The following HDAC9 variants were observed in gnomAD, a reference collection of about 807,000 sequenced individuals.
HDAC9 encodes the protein histone deacetylase 9, also known as MEF-2 interacting transcription repressor (MITR) protein.
HDAC9 carries 41 observed loss-of-function variants against 139.4 expected under a neutral mutation model. The ratio of observed to expected loss-of-function variants is 0.29; its 90% CI spans 0.23 to 0.38. The LOEUF is 0.38. HDAC9 is among the 10% of genes least tolerant of loss of function. HDAC9 has a pLI of 1.00. For synonymous variants in HDAC9, 517 were observed against 476.2 expected, an observed-to-expected ratio of 1.09 and a Z score of -1.12; for missense variants, 1,147 against 1,297.0, an observed-to-expected ratio of 0.88 and a Z score of 1.78.
intron 1 of HDAC9, among the ~76,000 whole-genome samples, chr7:18,352,524 T>C (rs1310798205): frequency 1.3e-5 from 2 of 152,184 alleles, no homozygotes; most frequent in East Asian, 1.9e-4. Flanking sequence ...TGCAGTCTTA[T>C]ATTTGTTGCA....
At chr7:18,847,966 TA>T (rs1797021937) in intron 21 of HDAC9, among the ~76,000 whole-genome samples, 1 of 152,186 alleles carries the variant, frequency 6.6e-6, no homozygotes, top group African/African-American at 2.4e-5. Flanking sequence ...ACAAGTTGAG[TA>T]TATTTTGCAT....
intron 1 of HDAC9, among the ~76,000 whole-genome samples, chr7:18,140,847 C>G (rs1169150274): frequency 6.7e-6 from 1 of 150,334 alleles, no homozygotes; most frequent in Non-Finnish European, 1.5e-5. Flanking sequence ...AAAGCAATTT[C>G]TTTGACACAG....
At chr7:18,099,993 A>T (rs900339652) in intron 1 of HDAC9, among the ~76,000 whole-genome samples, 1 of 152,174 alleles carries the variant, frequency 6.6e-6, no homozygotes, top group African/African-American at 2.4e-5. Context: ...GACTTCCTTT[A>T]AACATTCCTT....
intron 24 of HDAC9, among the ~76,000 whole-genome samples, chr7:18,964,913 T>C (rs1299850730): frequency 1.3e-5 from 2 of 152,202 alleles, no homozygotes; most frequent in Non-Finnish European, 2.9e-5. Flanking sequence ...AGCCTAACCA[T>C]ATCACTGAGT....
At chr7:18,686,918 T>C (rs953729336) in intron 12 of HDAC9, among the ~76,000 whole-genome samples, 2 of 151,880 alleles carry the variant, frequency 1.3e-5, no homozygotes, top group African/African-American at 4.8e-5. Flanking sequence ...ATTTTAAATA[T>C]TGGACATGGT....
At position 18,251,816 on chromosome 7, in the gene HDAC9, G is replaced by A. The variant is rs302139; in HGVS notation, c.25+89467G>A. Among the ~76,000 whole-genome samples the A allele has an allele frequency of 7.1e-3, 1,086 of 152,098 alleles. 11 individuals are homozygous for A. The highest frequency in any genetic ancestry group is 0.025 in the African/African-American group (1,042 of 41,506). On this transcript the variant is annotated intron_variant, in intron 2 of 12. Transcript: ENST00000417496. ...AGGTGAATGACATTTTTGTATATGC[G>A]TATGTGGCTTACATATTTCCCAATT...
At chr7:18,377,960 C>A (rs1273885949) in intron 1 of HDAC9, among the ~76,000 whole-genome samples, 1 of 152,142 alleles carries the variant, frequency 6.6e-6, no homozygotes, top group South Asian at 2.1e-4. Context: ...ACTTAACTTT[C>A]ATTCCAGAAG....
chr7:18,693,793 G>A (rs1343885639), intron 12 of HDAC9, among the ~76,000 whole-genome samples: 1 of 152,180 alleles, frequency 6.6e-6, no homozygotes, highest in Non-Finnish European at 1.5e-5. Flanking sequence ...ATCATTTGAA[G>A]CTTGTCATCT....
intron 12 of HDAC9, among the ~76,000 whole-genome samples, chr7:18,707,882 C>G (rs886852478): frequency 8.0e-5 from 9 of 111,854 alleles, no homozygotes; most frequent in East Asian, 2.9e-4. Context: ...TGTGTATGCA[C>G]GTGCATACAT....
chr7:18,328,082 T>G (rs577010555), intron 1 of HDAC9, among the ~76,000 whole-genome samples: 86 of 152,114 alleles, frequency 5.7e-4, no homozygotes, highest in African/African-American at 2.0e-3. Flanking sequence ...GCTTTTAGCT[T>G]TTTTTGGAGT....
chr7:18,657,047 A>G (rs553681888), intron 11 of HDAC9, among the ~76,000 whole-genome samples: 1 of 152,166 alleles, frequency 6.6e-6, no homozygotes, highest in South Asian at 2.1e-4. Context: ...ATGATGTTCA[A>G]CATTTTTTCA....
Position 18,318,559 on chromosome 7 carries a change from G to T in HDAC9, c.-42+28044G>T, listed in dbSNP as rs574237112. On this transcript the variant is annotated intron_variant, in intron 1 of 3. Transcript: ENST00000413509. ...TGGAAAAAGAAGTAAAGTGGAGTGGGGCCTCAGCATCTGGATTTTTAAACT... is the reference window on the plus strand; with the variant it reads ...TGGAAAAAGAAGTAAAGTGGAGTGGTGCCTCAGCATCTGGATTTTTAAACT... Among the ~76,000 whole-genome samples, 3 of 152,182 alleles carry T rather than the reference G, an allele frequency of 2.0e-5. No individual in the cohort carries two copies. The East Asian group carries it at 5.8e-4, about 29-fold the overall frequency.
chr7:18,540,860 A>G (rs964965790), intron 2 of HDAC9, among the ~76,000 whole-genome samples: 3 of 152,244 alleles, frequency 2.0e-5, no homozygotes, highest in African/African-American at 4.8e-5. Flanking sequence ...GTAAAACACT[A>G]TTGTAAGGAC....
chr7:18,197,985 T>C (rs989000429), intron 2 of HDAC9, among the ~76,000 whole-genome samples: 1 of 152,178 alleles, frequency 6.6e-6, no homozygotes, highest in Admixed American at 6.6e-5. Flanking sequence ...ATTTGTAGGA[T>C]TCCTTACAAC....
intron 1 of HDAC9, among the ~76,000 whole-genome samples, chr7:18,159,846 G>A (rs1787502129): frequency 1.3e-5 from 2 of 152,190 alleles, no homozygotes; most frequent in African/African-American, 4.8e-5. Flanking sequence ...TGTGTCATGT[G>A]GAGGCAGTTA....
At chr7:18,428,038 A>G (rs2128758610) in intron 1 of HDAC9, among the ~76,000 whole-genome samples, 1 of 152,248 alleles carries the variant, frequency 6.6e-6, no homozygotes, top group South Asian at 2.1e-4. Flanking sequence ...CTCAAGTTCC[A>G]TTCATTTTGT....
At chr7:18,415,451 C>A (rs1788964404) in intron 1 of HDAC9, among the ~76,000 whole-genome samples, 1 of 152,160 alleles carries the variant, frequency 6.6e-6, no homozygotes, top group Non-Finnish European at 1.5e-5. Context: ...CAGTGGCAAT[C>A]AAAGAGAGGC....
chr7:18,201,107 G>T (rs896705531), intron 2 of HDAC9, among the ~76,000 whole-genome samples: 1 of 152,120 alleles, frequency 6.6e-6, no homozygotes, highest in Admixed American at 6.6e-5. Context: ...GATGGAACTC[G>T]TGTCCGCCTC....
chr7:18,094,207 T>G (rs1390402030), intron 1 of HDAC9, among the ~76,000 whole-genome samples: 1 of 152,202 alleles, frequency 6.6e-6, no homozygotes, highest in Non-Finnish European at 1.5e-5. Flanking sequence ...AGAATACTAC[T>G]GTTCTCAAAG....
Sources: gnomAD v4.1 joint callset for allele counts (sites outside exome capture counted in the v4.1 genomes callset) on GRCh38, gnomAD v4.1.1 for gene constraint, MANE v1.5 for transcripts, NCBI Gene and HGNC (gene_info 2026-07-23, HGNC 2026-07-21) for gene names.